The following SERF1B variants were observed in gnomAD, a reference collection of about 807,000 sequenced individuals.
SERF1B encodes small EDRK-rich factor 1B.
chr5:70,029,427 C>T (rs550821969), intron 2 of SERF1B, among the ~76,000 whole-genome samples: 15 of 149,288 alleles, frequency 1.0e-4, no homozygotes, highest in South Asian at 8.5e-4. Context: ...TGAGCCACCA[C>T]GCTGGCCCAG....
chr5:70,035,383 A>ATTTT (rs763970203), intron 2 of SERF1B, among the ~76,000 whole-genome samples: 5 of 136,570 alleles, frequency 3.7e-5, no homozygotes, highest in South Asian at 2.2e-4. Flanking sequence ...TATTATTATT[A>ATTTT]TTTTTTTTTT....
chr5:70,029,282 T>C (rs1230410563), intron 2 of SERF1B, among the ~76,000 whole-genome samples: 19 of 151,784 alleles, frequency 1.3e-4, no homozygotes, highest in Non-Finnish European at 8.8e-5. Flanking sequence ...ATTGCAGGCG[T>C]CCGCCACCAT....
intron 2 of SERF1B, among the ~76,000 whole-genome samples, chr5:70,037,960 CAAAAAAAAAACA>C (rs1357917458): frequency 3.2e-5 from 3 of 93,250 alleles, no homozygotes; most frequent in Admixed American, 1.1e-4. Context: ...GACTCTGTCT[CAAAAAAAAAACA>C]AAAAAAAAAA....
chr5:70,041,399 C>G (rs1774255640), intron 2 of SERF1B, 125 bp from the exon 3 acceptor site: 1 of 689,120 alleles, frequency 1.5e-6, no homozygotes, highest in African/African-American at 1.8e-5. Flanking sequence ...AGTGCTCATG[C>G]AAACATGCAT....
intron 2 of SERF1B, among the ~76,000 whole-genome samples, chr5:70,036,459 C>T (rs1774184918): frequency 2.3e-5 from 2 of 88,318 alleles, no homozygotes; most frequent in Non-Finnish European, 4.3e-5. Context: ...TGGTGGTGCA[C>T]GCCTGTAGTC....
chr5:70,029,586 A>G (rs1774122005), intron 2 of SERF1B, among the ~76,000 whole-genome samples: 2 of 144,876 alleles, frequency 1.4e-5, no homozygotes, highest in African/African-American at 5.2e-5. Context: ...TACATTAGGT[A>G]TTTCTCCTGA....
chr5:70,041,398 G>T (rs1774255591), intron 2 of SERF1B, 126 bp from the exon 3 acceptor site: 1 of 689,446 alleles, frequency 1.5e-6, no homozygotes, highest in African/African-American at 1.8e-5. Flanking sequence ...CAGTGCTCAT[G>T]CAAACATGCA....
chr5:70,036,957 CA>C (rs1191591513), intron 2 of SERF1B, among the ~76,000 whole-genome samples: 4 of 38,574 alleles, frequency 1.0e-4, no homozygotes, highest in African/African-American at 5.5e-4. Context: ...TTCTTAAAAA[CA>C]AAAAAACTTT....
Position 70,028,956 on chromosome 5 carries a change from G to C in SERF1B, c.116+2441G>C, listed in dbSNP as rs1361695280. On this transcript the variant is annotated intron_variant, in intron 2 of 2. Transcript: ENST00000380750. Reference sequence around the variant, plus strand: ...CGCGCCACCGCACTCCAGCCTGGGCGACAGAGCGAGACTCCGTCAAAAAAA... The same window carrying C: ...CGCGCCACCGCACTCCAGCCTGGGCCACAGAGCGAGACTCCGTCAAAAAAA... Among the ~76,000 whole-genome samples the C allele has an allele frequency of 7.9e-5, 12 of 151,666 alleles. 1 individual carries two copies. Among genetic ancestry groups the C allele is most frequent in the Admixed American group, 3.9e-4 (6 of 15,194 alleles).
chr5:70,035,385 T>TATTTTA (rs1554065469), intron 2 of SERF1B, among the ~76,000 whole-genome samples: 1 of 124,832 alleles, frequency 8.0e-6, no homozygotes, highest in Non-Finnish European at 1.7e-5. Context: ...TTATTATTAT[T>TATTTTA]TTTTTTTTTT....
At chr5:70,038,040 G>C (rs1186411485) in intron 2 of SERF1B, among the ~76,000 whole-genome samples, 1 of 122,878 alleles carries the variant, frequency 8.1e-6, no homozygotes, top group Non-Finnish European at 1.6e-5. Flanking sequence ...ACTTGGACAA[G>C]ACTGCTTGCT....
At chr5:70,036,619 A>ACT (rs1774189241) in intron 2 of SERF1B, among the ~76,000 whole-genome samples, 7 of 124,552 alleles carry the variant, frequency 5.6e-5, no homozygotes, top group African/African-American at 2.0e-4. Context: ...ACACACACAC[A>ACT]CACACACACA....
chr5:70,038,291 T>C (rs1484239622), intron 2 of SERF1B, among the ~76,000 whole-genome samples: 6 of 146,310 alleles, frequency 4.1e-5, no homozygotes, highest in Admixed American at 2.1e-4. Context: ...CATACAGAGT[T>C]ACGTATTTAA....
intron 2 of SERF1B, among the ~76,000 whole-genome samples, chr5:70,036,629 A>ACACACACACACACACTCTCT (rs763495681): frequency 4.0e-5 from 2 of 49,838 alleles, no homozygotes; most frequent in African/African-American, 1.3e-4. Flanking sequence ...ACACACACAC[A>ACACACACACACACACTCTCT]CTCTCTCTCT....
intron 2 of SERF1B, among the ~76,000 whole-genome samples, chr5:70,041,074 A>AT (rs1414179345): frequency 3.3e-5 from 5 of 150,544 alleles, no homozygotes; most frequent in Non-Finnish European, 7.4e-5. Flanking sequence ...ACATACACAC[A>AT]TTTTTTAGTA....
intron 2 of SERF1B, among the ~76,000 whole-genome samples, chr5:70,036,629 A>ACACACACTCTCTCTCTCTCT (rs763495681): frequency 6.0e-5 from 3 of 49,840 alleles, no homozygotes; most frequent in African/African-American, 1.3e-4. Flanking sequence ...ACACACACAC[A>ACACACACTCTCTCTCTCTCT]CTCTCTCTCT....
chr5:70,028,920 T>C (rs1421181544), intron 2 of SERF1B, among the ~76,000 whole-genome samples: 8 of 148,176 alleles, frequency 5.4e-5, no homozygotes, highest in South Asian at 4.3e-4. Flanking sequence ...GAGCTTGCAG[T>C]GAGCTGAGAT....
rs187955345 is a variant in SERF1B at position 70,041,357 on chromosome 5, C to A, written c.117-167C>A. Among the ~76,000 whole-genome samples the A allele has an allele frequency of 1.3e-3, 190 of 149,822 alleles. No individual in the cohort carries two copies. In the South Asian group the frequency reaches 0.039, roughly 31 times the overall value. ...AGTAAGCCAGTCCCATTCCCCTGAA[C>A]TAACCAATGTTAATAATGGTATACT... On this transcript the variant is annotated intron_variant, in intron 2 of 2. Coordinates refer to ENST00000380750, the MANE Select transcript of SERF1B (RefSeq NM_022978.3).
chr5:70,035,364 A>AATTATT (rs201890206), intron 2 of SERF1B, among the ~76,000 whole-genome samples: 2,557 of 131,646 alleles, frequency 0.019, 86 homozygotes, highest in Middle Eastern at 0.035. Context: ...GAATAATTTT[A>AATTATT]ATTATTATTA....
Sources: allele counts gnomAD v4.1 joint callset (sites outside exome capture counted in the v4.1 genomes callset), GRCh38; gene constraint gnomAD v4.1.1; transcripts MANE v1.5; gene names NCBI Gene and HGNC (gene_info 2026-07-23, HGNC 2026-07-21).